TRIM33: variants seen among roughly 807,000 people sequenced by gnomAD.
TRIM33 encodes E3 ubiquitin-protein ligase TRIM33.
In TRIM33, 20 loss-of-function variants were observed where a neutral mutation model predicts 125.4. The observed-to-expected ratio is 0.16, with a 90% CI of 0.11 to 0.23. TRIM33 has a LOEUF of 0.23. TRIM33 is among the 10% of genes least tolerant of loss of function. The pLI is 1.00. For missense variants in TRIM33, 920 were observed against 1,411.4 expected, an observed-to-expected ratio of 0.65 and a Z score of 5.58; for synonymous variants, 564 against 513.9, an observed-to-expected ratio of 1.10 and a Z score of -1.32.
At chr1:114,504,589 C>G (rs1200781388) in intron 1 of TRIM33, among the ~76,000 whole-genome samples, 1 of 152,210 alleles carries the variant, frequency 6.6e-6, no homozygotes, top group East Asian at 1.9e-4. Flanking sequence ...CTAAAAGGGT[C>G]TCAGTGACAC....
At chr1:114,410,346 G>T (rs779615028) in intron 11 of TRIM33, 30 bp from the exon 12 acceptor site, 7 of 1,600,672 alleles carry the variant, frequency 4.4e-6, no homozygotes, top group Non-Finnish European at 5.1e-6. Context: ...AGACAAATTT[G>T]CTTTGATTAA....
chr1:114,412,458 A>T (rs1435228866), intron 11 of TRIM33, among the ~76,000 whole-genome samples: 8 of 152,238 alleles, frequency 5.3e-5, no homozygotes, highest in African/African-American at 1.9e-4. Flanking sequence ...GGGAAACCCA[A>T]ATCAAGAATA....
chr1:114,415,338 A>G (rs1652868386), intron 11 of TRIM33, among the ~76,000 whole-genome samples: 1 of 152,148 alleles, frequency 6.6e-6, no homozygotes, highest in Non-Finnish European at 1.5e-5. Flanking sequence ...TCAGCATAAA[A>G]AAGAAAAATC....
intron 1 of TRIM33, among the ~76,000 whole-genome samples, chr1:114,480,326 G>A (rs1196176972): frequency 3.3e-5 from 5 of 152,034 alleles, no homozygotes; most frequent in Non-Finnish European, 5.9e-5. Context: ...CAAGTACCCA[G>A]GGACACAAAC....
intron 11 of TRIM33, among the ~76,000 whole-genome samples, chr1:114,415,242 T>C (rs552142424): frequency 3.9e-5 from 6 of 152,170 alleles, no homozygotes; most frequent in Middle Eastern, 6.8e-3. Flanking sequence ...GTGCTCTTCC[T>C]ATCTTGGCCT....
At chr1:114,487,043 C>T (rs1333758992) in intron 1 of TRIM33, among the ~76,000 whole-genome samples, 6 of 150,396 alleles carry the variant, frequency 4.0e-5, no homozygotes, top group South Asian at 4.2e-4. Context: ...GCCAAGATCA[C>T]GCCATTGCAC....
chr1:114,503,983 C>G (rs1652850171), intron 1 of TRIM33, among the ~76,000 whole-genome samples: 1 of 152,272 alleles, frequency 6.6e-6, no homozygotes, highest in African/African-American at 2.4e-5. Flanking sequence ...GCACATTTCC[C>G]ACTTCATCAC....
intron 1 of TRIM33, among the ~76,000 whole-genome samples, chr1:114,499,584 C>T (rs1183083398): frequency 6.6e-6 from 1 of 151,946 alleles, no homozygotes; most frequent in African/African-American, 2.4e-5. Context: ...CAACATCTGA[C>T]AATACTAAGA....
intron 1 of TRIM33, among the ~76,000 whole-genome samples, chr1:114,495,949 C>A (rs919610601): frequency 2.0e-5 from 3 of 152,158 alleles, no homozygotes; most frequent in Admixed American, 2.0e-4. Flanking sequence ...ACCTCTCCAG[C>A]GAGATTCAGT....
chr1:114,464,221 TAC>T lies in TRIM33; in HGVS notation c.645+47_645+48del, dbSNP rs779744946. On this transcript the variant is annotated intron_variant, in intron 2 of 19. Coordinates refer to ENST00000358465, the MANE Select transcript of TRIM33 (RefSeq NM_015906.4). ...ATCCAAACATGTTTTTCTTATAACT[TAC>T]AGTTTGATATCAAGATAGGAATATA... 5 of 972,782 alleles carry T rather than the reference TAC, an allele frequency of 5.1e-6. No homozygotes were observed. In the East Asian group the frequency reaches 1.3e-4, roughly 25 times the overall value. 60.3% of individuals were successfully genotyped at this position (972,782 alleles called of 1,614,324 possible).
At chr1:114,414,027 G>GCGCACACA (rs1353374378) in intron 11 of TRIM33, among the ~76,000 whole-genome samples, 8 of 130,588 alleles carry the variant, frequency 6.1e-5, no homozygotes, top group South Asian at 2.8e-4. Flanking sequence ...TAAATCACAG[G>GCGCACACA]CACACACACA....
intron 4 of TRIM33, among the ~76,000 whole-genome samples, chr1:114,453,056 A>G (rs1649413124): frequency 6.6e-6 from 1 of 152,136 alleles, no homozygotes; most frequent in Non-Finnish European, 1.5e-5. Flanking sequence ...ATGGAGCAGA[A>G]AGCGTTAGTT....
intron 4 of TRIM33, among the ~76,000 whole-genome samples, chr1:114,443,529 AC>A (rs1399491594): frequency 6.6e-6 from 1 of 151,966 alleles, no homozygotes; most frequent in Non-Finnish European, 1.5e-5. Context: ...GGGCCACTGC[AC>A]CCTGATGAAA....
chr1:114,433,779 T>C (rs780403267), intron 4 of TRIM33, 46 bp from the exon 5 acceptor site: 22 of 1,234,088 alleles, frequency 1.8e-5, no homozygotes, highest in Non-Finnish European at 2.6e-5. Context: ...CATTTATGAT[T>C]AAGATTTTGG....
rs1221295235 is a variant in TRIM33 at position 114,397,588 on chromosome 1, T to TG, written c.*59dup. ...ACTTAAAAGTTTTCTGGGTTTTTTG[T>TG]GTTTTTTTTTTTTTTTTCGTTTTTT... is the stretch of plus-strand genomic sequence containing the variant. On this transcript the variant is annotated 3_prime_UTR_variant, in exon 20 of 20. Coordinates refer to ENST00000358465, the MANE Select transcript of TRIM33 (RefSeq NM_015906.4). 137 of 1,095,168 alleles carry TG rather than the reference T, an allele frequency of 1.3e-4. 2 individuals carry two copies. The highest frequency in any genetic ancestry group is 3.0e-4 in the African/African-American group (12 of 40,616). The allele number at this position is 1,095,168 out of a possible 1,614,324, so 67.8% of individuals were successfully genotyped here. A position where few individuals can be genotyped will look rare whatever the true frequency, so the allele number is the denominator to read the frequency against.
chr1:114,401,948 G>A (rs1013414012), intron 16 of TRIM33, among the ~76,000 whole-genome samples: 5 of 152,128 alleles, frequency 3.3e-5, no homozygotes, highest in African/African-American at 1.2e-4. Flanking sequence ...AAACTGAAAT[G>A]CATTTTACAT....
chr1:114,433,984 T>C (rs1648126410), intron 4 of TRIM33, among the ~76,000 whole-genome samples: 1 of 152,212 alleles, frequency 6.6e-6, no homozygotes, highest in Non-Finnish European at 1.5e-5. Flanking sequence ...TATTAGAGTG[T>C]TGATTCAGGA....
intron 4 of TRIM33, among the ~76,000 whole-genome samples, chr1:114,461,427 G>T (rs967055982): frequency 1.3e-5 from 2 of 151,008 alleles, no homozygotes; most frequent in African/African-American, 2.4e-5. Context: ...CTAACTCCAG[G>T]TAGACGGCGA....
At chr1:114,455,717 C>T (rs1649575437) in intron 4 of TRIM33, among the ~76,000 whole-genome samples, 1 of 152,110 alleles carries the variant, frequency 6.6e-6, no homozygotes, top group South Asian at 2.1e-4. Context: ...CCAATGAGAG[C>T]CCCAGCTAGT....
Sources: gnomAD v4.1 joint callset for allele counts (sites outside exome capture counted in the v4.1 genomes callset) on GRCh38, gnomAD v4.1.1 for gene constraint, MANE v1.5 for transcripts, NCBI Gene and HGNC (gene_info 2026-07-23, HGNC 2026-07-21) for gene names.